TGFBR3: variants seen among roughly 807,000 people sequenced by gnomAD.
TGFBR3 encodes the protein transforming growth factor beta receptor type 3.
In TGFBR3, 46 loss-of-function variants were observed where a neutral mutation model predicts 87.9. The observed-to-expected ratio is 0.52, with a 90% CI of 0.41 to 0.67. The LOEUF (loss-of-function observed/expected upper bound fraction) is 0.67. Ranked by LOEUF, TGFBR3 falls within the 30% of genes least tolerant of loss-of-function variation. The probability of loss-of-function intolerance (pLI) is 0.00; values close to 1 mark genes in which losing one functional copy is unlikely to be tolerated. For missense variants in TGFBR3, 866 were observed against 1,041.9 expected, an observed-to-expected ratio of 0.83 and a Z score of 2.32; for synonymous variants, 381 against 391.6, an observed-to-expected ratio of 0.97 and a Z score of 0.32.
chr1:91,860,143 C>T (rs915132276), intron 2 of TGFBR3, among the ~76,000 whole-genome samples: 17 of 152,302 alleles, frequency 1.1e-4, no homozygotes, highest in Non-Finnish European at 2.5e-4. Flanking sequence ...CTACATGACA[C>T]TACGCAAGTT....
chr1:91,747,051 T>C (rs1673374899), intron 4 of TGFBR3, among the ~76,000 whole-genome samples: 1 of 152,226 alleles, frequency 6.6e-6, no homozygotes, highest in Non-Finnish European at 1.5e-5. Flanking sequence ...GGATTCTGAA[T>C]CCTCATATCT....
intron 1 of TGFBR3, among the ~76,000 whole-genome samples, chr1:91,902,835 G>C (rs1336264316): frequency 2.0e-5 from 3 of 151,958 alleles, no homozygotes; most frequent in Non-Finnish European, 2.9e-5. Flanking sequence ...CAGAGACTTA[G>C]TTTAGGAAAG....
At chr1:91,841,365 A>T (rs538742847) in intron 2 of TGFBR3, among the ~76,000 whole-genome samples, 2 of 152,362 alleles carry the variant, frequency 1.3e-5, no homozygotes, top group African/African-American at 4.8e-5. Flanking sequence ...CAACACTCTT[A>T]AAGGAAAGTG....
intron 3 of TGFBR3, among the ~76,000 whole-genome samples, chr1:91,779,113 C>T (rs373759170): frequency 9.9e-4 from 151 of 152,158 alleles, no homozygotes; most frequent in Middle Eastern, 3.4e-3. Context: ...GTGGGGATTG[C>T]GCATTTTCAT....
intron 4 of TGFBR3, among the ~76,000 whole-genome samples, chr1:91,736,125 CA>C (rs572603123): frequency 3.3e-5 from 5 of 150,956 alleles, no homozygotes; most frequent in Non-Finnish European, 7.4e-5. Context: ...AAAACGCTGG[CA>C]AAAAAAAGTA....
intron 2 of TGFBR3, among the ~76,000 whole-genome samples, chr1:91,819,014 T>A (rs1676347984): frequency 6.6e-6 from 1 of 152,210 alleles, no homozygotes; most frequent in Non-Finnish European, 1.5e-5. Context: ...CAAAAGGCTG[T>A]TCACACCTTC....
intron 3 of TGFBR3, among the ~76,000 whole-genome samples, chr1:91,774,870 T>C (rs935135929): frequency 6.6e-5 from 10 of 152,126 alleles, no homozygotes; most frequent in African/African-American, 2.4e-4. Flanking sequence ...AACTAGTGAG[T>C]GGACTTGGTT....
chr1:91,798,262 G>A (rs1359380868), intron 2 of TGFBR3, among the ~76,000 whole-genome samples: 13 of 152,078 alleles, frequency 8.5e-5, no homozygotes, highest in Non-Finnish European at 1.5e-5. Context: ...TAACCTAGAG[G>A]CACTCAATGT....
chr1:91,701,690 C>T (rs1340807275), intron 14 of TGFBR3, among the ~76,000 whole-genome samples: 1 of 152,060 alleles, frequency 6.6e-6, no homozygotes. Flanking sequence ...AGCTTTTGGC[C>T]TTTAGTGCTC....
upstream of TGFBR3, among the ~76,000 whole-genome samples, chr1:91,891,015 C>T (rs1172226063): frequency 1.3e-5 from 2 of 151,814 alleles, no homozygotes; most frequent in Non-Finnish European, 2.9e-5. Context: ...TTCCTGCCTC[C>T]ACCTCCTAAG....
At chr1:91,838,061 G>A in intron 2 of TGFBR3, among the ~76,000 whole-genome samples, 1 of 152,196 alleles carries the variant, frequency 6.6e-6, no homozygotes, top group East Asian at 1.9e-4. Context: ...TCTGCCAGCT[G>A]AGTACACTGA....
intron 16 of TGFBR3, among the ~76,000 whole-genome samples, chr1:91,685,604 G>A (rs1671064644): frequency 6.6e-6 from 1 of 152,114 alleles, no homozygotes; most frequent in South Asian, 2.1e-4. Context: ...TTACAGGCGT[G>A]AGCCACCACG....
At chr1:91,790,642 G>A (rs1212807897) in intron 3 of TGFBR3, among the ~76,000 whole-genome samples, 8 of 152,194 alleles carry the variant, frequency 5.3e-5, no homozygotes, top group Non-Finnish European at 1.2e-4. Flanking sequence ...CTGTGTGTGA[G>A]GGGTTTCCTT....
intron 2 of TGFBR3, among the ~76,000 whole-genome samples, chr1:91,899,154 C>A (rs1425439998): frequency 6.6e-6 from 1 of 151,946 alleles, no homozygotes; most frequent in East Asian, 1.9e-4. Flanking sequence ...ATGTTCTTAC[C>A]CCCAAAATAA....
chr1:91,878,038 G>A (rs1312629841), intron 1 of TGFBR3, among the ~76,000 whole-genome samples: 1 of 152,160 alleles, frequency 6.6e-6, no homozygotes, highest in Non-Finnish European at 1.5e-5. Context: ...TGAGTCAATG[G>A]TGCTTTCCCT....
chr1:91,680,470 G>A lies in TGFBR3; in HGVS notation c.*3269C>T. On this transcript the variant is annotated 3_prime_UTR_variant, in exon 17 of 17. Coordinates refer to ENST00000212355, the MANE Select transcript of TGFBR3 (RefSeq NM_003243.5). ...CTGAACAGAGAAAAGAATACAACAG[G>A]GGTGTTCAAACTGGCCACAGGGATT... 1 of 453,972 alleles carries A rather than the reference G, an allele frequency of 2.2e-6. No individual in the cohort carries two copies. The highest frequency in any genetic ancestry group is 1.6e-5 in the South Asian group (1 of 64,464). 28.1% of individuals were successfully genotyped at this position (453,972 alleles called of 1,614,324 possible).
At chr1:91,899,157 C>G (rs1415032983) in intron 2 of TGFBR3, among the ~76,000 whole-genome samples, 2 of 152,038 alleles carry the variant, frequency 1.3e-5, no homozygotes, top group African/African-American at 4.8e-5. Context: ...TTCTTACCCC[C>G]AAAATAAGAA....
intron 3 of TGFBR3, among the ~76,000 whole-genome samples, chr1:91,761,060 A>G (rs1264783596): frequency 2.0e-5 from 3 of 152,374 alleles, no homozygotes; most frequent in South Asian, 2.1e-4. Flanking sequence ...CTAGTAATGT[A>G]TATCTGCAGG....
chr1:91,715,590 G>A (rs1346731643), intron 12 of TGFBR3, among the ~76,000 whole-genome samples: 3 of 152,058 alleles, frequency 2.0e-5, no homozygotes, highest in East Asian at 1.9e-4. Flanking sequence ...CATTATTACC[G>A]CCACTGCCTA....
Sources: gnomAD v4.1 joint callset for allele counts (sites outside exome capture counted in the v4.1 genomes callset) on GRCh38, gnomAD v4.1.1 for gene constraint, MANE v1.5 for transcripts, NCBI Gene and HGNC (gene_info 2026-07-23, HGNC 2026-07-21) for gene names.